The following SYDE2 variants were observed in gnomAD, a reference collection of about 807,000 sequenced individuals.
SYDE2 encodes the protein rho GTPase-activating protein SYDE2.
A neutral mutation model predicts 91.5 loss-of-function variants in SYDE2; 76 were observed. The observed-to-expected ratio is 0.83, with a 90% CI of 0.69 to 1.01. The LOEUF (loss-of-function observed/expected upper bound fraction) is 1.01, where lower values mean the gene tolerates loss of function less well. SYDE2 is among the 50% of genes least tolerant of loss of function. The pLI is 0.00. For synonymous variants in SYDE2, 513 were observed against 506.4 expected (o/e 1.01, Z -0.18); for missense variants, 1,364 against 1,367.7 (o/e 1.00, Z 0.04).
At chr1:85,172,505 T>C (rs1278859243) in intron 4 of SYDE2, among the ~76,000 whole-genome samples, 1 of 152,154 alleles carries the variant, frequency 6.6e-6, no homozygotes, top group African/African-American at 2.4e-5. Context: ...GACCAGTGTT[T>C]CTAGGCAAGA....
chr1:85,154,753 G>A (rs1557736435), downstream of SYDE2, among the ~76,000 whole-genome samples: 3 of 151,740 alleles, frequency 2.0e-5, no homozygotes, highest in South Asian at 2.1e-4. Flanking sequence ...ATCCTTGTCC[G>A]AATCTTTCTA....
At chr1:85,166,850 A>C (rs1657296701) in intron 5 of SYDE2, among the ~76,000 whole-genome samples, 1 of 152,200 alleles carries the variant, frequency 6.6e-6, no homozygotes, top group Non-Finnish European at 1.5e-5. Context: ...TAGCAAGCAA[A>C]GGAATGCAAA....
At position 85,194,888 on chromosome 1, in the gene SYDE2, C is replaced by A. The variant is rs1376085560; in HGVS notation, c.746-4136G>T. ...GAAAATCTGTAGTACCGGCTGGGCG[C>A]GGTGGCTCACGCCTGTAATCCCAGC... On this transcript the variant is annotated intron_variant, in intron 1 of 6. Coordinates refer to ENST00000341460, the MANE Select transcript of SYDE2 (RefSeq NM_032184.2). The A allele has an allele frequency of 5.2e-6, 5 of 965,370 alleles. No homozygotes were observed. In the Admixed American group the frequency reaches 3.1e-4, roughly 59 times the overall value. 59.8% of individuals were successfully genotyped at this position (965,370 alleles called of 1,614,324 possible). A position where few individuals can be genotyped will look rare whatever the true frequency, so the allele number is the denominator to read the frequency against.
At chr1:85,196,418 T>C (rs972912563) in intron 1 of SYDE2, among the ~76,000 whole-genome samples, 100 of 152,260 alleles carry the variant, frequency 6.6e-4, no homozygotes, top group African/African-American at 2.2e-3. Flanking sequence ...CTCTAAAACA[T>C]TGAACCACAT....
intron 2 of SYDE2, among the ~76,000 whole-genome samples, chr1:85,185,782 AC>A (rs1658113466): frequency 6.6e-6 from 1 of 151,388 alleles, no homozygotes; most frequent in African/African-American, 2.4e-5. Context: ...CTAATTGAAT[AC>A]CCTTTATTTC....
chr1:85,182,774 T>A lies in SYDE2; in HGVS notation c.1868A>T (p.Asp623Val). 6.2e-7 allele frequency: 1 copy of A among 1,613,954 alleles called. No homozygotes were observed. Among genetic ancestry groups the A allele is most frequent in the Non-Finnish European group, 8.5e-7 (1 of 1,179,846 alleles). ...KYSCKGGYLS[D>V]GDSPELTTKA... is the part of the protein sequence containing the mutation. ...AGTTGTAAGTTCAGGTGAGTCTCCA[T>A]CACTAAGGTAACCACCTTTGCAGGA... is the stretch of plus-strand genomic sequence containing the variant. Residue 623 changes from aspartate (D) to valine (V), a missense_variant, in exon 3 of 7, where the codon GAT (aspartate) becomes GTT (valine). By Grantham distance (152) the Asp-to-Val change is radical (BLOSUM62 -3). Transcript: ENST00000341460.
intron 1 of SYDE2, chr1:85,195,020 C>T (rs1352817050): frequency 6.0e-6 from 1 of 166,786 alleles, no homozygotes; most frequent in Non-Finnish European, 1.2e-5. Context: ...ATTAGCCGAG[C>T]ATGGTGGCGG....
Position 85,200,997 on chromosome 1 carries a change from G to T in SYDE2, c.-1C>A. 1 of 1,296,712 alleles carries T rather than the reference G, an allele frequency of 7.7e-7. No homozygotes were observed. Among genetic ancestry groups the T allele is most frequent in the South Asian group, 3.1e-5 (1 of 31,904 alleles). The allele number at this position is 1,296,712 out of a possible 1,614,324, so 80.3% of individuals were successfully genotyped here. ...CCGAGTCAGGGGGCAGGTCGTGCAT[G>T]GCCTGGATCAGCAGATAATAGGCCT... On this transcript the variant is annotated 5_prime_UTR_variant, in exon 1 of 7. Coordinates refer to ENST00000341460, the MANE Select transcript of SYDE2 (RefSeq NM_032184.2).
Position 85,190,693 on chromosome 1 carries a change from C to A in SYDE2, c.805G>T (p.Asp269Tyr), listed in dbSNP as rs1370089718. 1 of 1,613,384 alleles carries A rather than the reference C, an allele frequency of 6.2e-7. No homozygotes were observed. The highest frequency in any genetic ancestry group is 8.5e-7 in the Non-Finnish European group (1 of 1,179,774). The change falls in exon 2 of 7, where the codon GAT becomes TAT. Residue 269 changes from aspartate to tyrosine, a missense_variant. By Grantham distance (160) the Asp-to-Tyr change is radical. Transcript: ENST00000341460. ...TTATGACCTCTGAATTCAATATTAT[C>A]CTTCAGCTCTTCAAGTTCTCTTCCC... is the stretch of plus-strand genomic sequence containing the variant. ...MKGRELEELK[D>Y]NIEFRGHKPL...
Position 85,200,457 on chromosome 1 carries a change from G to A in SYDE2, c.540C>T (p.Phe180=), listed in dbSNP as rs775507334. The A allele has an allele frequency of 9.9e-6, 16 of 1,613,862 alleles. No homozygotes were observed. Among genetic ancestry groups the A allele is most frequent in the Non-Finnish European group, 1.4e-5 (16 of 1,179,906 alleles). ...GKGDRQEGPS[F]LRPPAVTVKK... ...TGACTGTCACTGCCGGCGGCCTGAG[G>A]AAGGAGGGGCCTTCCTGGCGGTCTC... The change falls in exon 1 of 7, where the codon TTC becomes TTT. Residue 180 remains phenylalanine, a synonymous_variant. Coordinates refer to ENST00000341460, the MANE Select transcript of SYDE2 (RefSeq NM_032184.2).
rs755046975 is a variant in SYDE2 at position 85,182,239 on chromosome 1, A to G, written c.2403T>C (p.Ser801=). The change falls in exon 3 of 7, where the codon TCT becomes TCC. Residue 801 remains serine (S), a synonymous_variant. Coordinates refer to ENST00000341460, the MANE Select transcript of SYDE2 (RefSeq NM_032184.2). The part of the protein sequence containing the change: ...KVTLMEQWEN[S]LHGLDINQEP... ...CTTGGTTTATATCTAGTCCATGAAGAGAATTCTCCCACTGTTCCATAAGAG... is the reference window on the plus strand; with the variant it reads ...CTTGGTTTATATCTAGTCCATGAAGGGAATTCTCCCACTGTTCCATAAGAG... The G allele has an allele frequency of 6.2e-7, 1 of 1,610,000 alleles. No homozygotes were observed. The highest frequency in any genetic ancestry group is 1.1e-5 in the South Asian group (1 of 90,066).
chr1:85,172,429 T>C (rs1657534527), intron 4 of SYDE2, among the ~76,000 whole-genome samples: 2 of 152,030 alleles, frequency 1.3e-5, no homozygotes, highest in Admixed American at 1.3e-4. Flanking sequence ...TTAATACTGA[T>C]ACCAAATAAT....
rs889862698 is a variant in SYDE2, at chr1:85,190,691, A to G, written c.807T>C (p.Asp269=). ...GCTTATGACCTCTGAATTCAATATT[A>G]TCCTTCAGCTCTTCAAGTTCTCTTC... The part of the protein sequence containing the change: ...MKGRELEELK[D]NIEFRGHKPL... The change falls in exon 2 of 7, where the codon GAT becomes GAC. Residue 269 remains aspartate, a synonymous_variant. Transcript: ENST00000341460. The G allele has an allele frequency of 2.5e-6, 4 of 1,613,668 alleles. No homozygotes were observed. Among genetic ancestry groups the G allele is most frequent in the Non-Finnish European group, 3.4e-6 (4 of 1,179,812 alleles).
intron 6 of SYDE2, chr1:85,160,544 G>C (rs1657022173): frequency 1.0e-6 from 1 of 976,986 alleles, no homozygotes; most frequent in Non-Finnish European, 1.2e-6. Flanking sequence ...ATATAGAATG[G>C]TCCATACCAT....
chr1:85,163,516 C>T (rs1232761963), intron 6 of SYDE2, among the ~76,000 whole-genome samples: 9 of 141,434 alleles, frequency 6.4e-5, no homozygotes, highest in African/African-American at 2.3e-4. Flanking sequence ...ACTGAGTGCT[C>T]ACTTTGTGCT....
intron 2 of SYDE2, among the ~76,000 whole-genome samples, chr1:85,187,343 A>G (rs1364535585): frequency 2.6e-5 from 4 of 152,110 alleles, no homozygotes; most frequent in African/African-American, 4.8e-5. Context: ...TTCGAATGGC[A>G]ATCATTAAAA....
chr1:85,174,499 C>A (rs1012273848), intron 4 of SYDE2, among the ~76,000 whole-genome samples: 5 of 152,162 alleles, frequency 3.3e-5, no homozygotes, highest in African/African-American at 1.2e-4. Flanking sequence ...TGCACATATA[C>A]AAAATGAGAA....
At chr1:85,190,826 TATTTAAA>T (rs1432897209) in intron 1 of SYDE2, 74 bp from the exon 2 acceptor site, 3 of 1,280,958 alleles carry the variant, frequency 2.3e-6, no homozygotes, top group Non-Finnish European at 3.1e-6. Flanking sequence ...TCAGACCAGT[TATTTAAA>T]AAAATTTTTT....
chr1:85,185,726 A>G (rs1434398502), intron 2 of SYDE2, among the ~76,000 whole-genome samples: 1 of 151,912 alleles, frequency 6.6e-6, no homozygotes, highest in African/African-American at 2.4e-5. Context: ...TTCTAGATAT[A>G]CAATCATGTC....
Sources: gnomAD v4.1 joint callset for allele counts (sites outside exome capture counted in the v4.1 genomes callset) on GRCh38, gnomAD v4.1.1 for gene constraint, MANE v1.5 for transcripts, NCBI Gene and HGNC (gene_info 2026-07-23, HGNC 2026-07-21) for gene names.